TTC28: variants seen among roughly 807,000 people sequenced by gnomAD.
The protein encoded by TTC28 is tetratricopeptide repeat domain 28, also known as tetratricopeptide repeat protein 28.
Under a neutral mutation model 198.0 loss-of-function variants are expected in TTC28, and 61 were observed. The ratio of observed to expected loss-of-function variants is 0.31; its 90% confidence interval spans 0.25 to 0.38. The LOEUF (loss-of-function observed/expected upper bound fraction) is 0.38. Among genes scored for constraint, TTC28 ranks in the 10% least tolerant of loss-of-function variants. The pLI is 1.00. For synonymous variants in TTC28, 1,171 were observed against 1,297.8 expected (o/e 0.90, Z 2.10); for missense variants, 2,678 against 3,164.0 (o/e 0.85, Z 3.69).
intron 5 of TTC28, among the ~76,000 whole-genome samples, chr22:28,180,275 T>C (rs973592025): frequency 2.6e-5 from 4 of 152,232 alleles, no homozygotes; most frequent in African/African-American, 9.6e-5. Flanking sequence ...TCATAAACTT[T>C]GAGTTGCTTA....
At chr22:27,996,394 G>A in intron 16 of TTC28, 135 bp from the exon 17 acceptor site, 10 of 1,331,742 alleles carry the variant, frequency 7.5e-6, no homozygotes, top group Non-Finnish European at 9.0e-6. Context: ...CAGCTCACAG[G>A]CTGGCCTGGG....
At chr22:28,268,114 G>C (rs1931804722) in intron 5 of TTC28, among the ~76,000 whole-genome samples, 1 of 152,130 alleles carries the variant, frequency 6.6e-6, no homozygotes, top group Non-Finnish European at 1.5e-5. Context: ...TTAATGGTCT[G>C]GTCCCTGCAG....
At chr22:28,578,119 T>C (rs1429843239) in intron 2 of TTC28, among the ~76,000 whole-genome samples, 1 of 152,142 alleles carries the variant, frequency 6.6e-6, no homozygotes, top group East Asian at 1.9e-4. Flanking sequence ...TTTTTATTTA[T>C]TGTGATCTAC....
chr22:28,106,301 G>A (rs1266562539), intron 7 of TTC28, among the ~76,000 whole-genome samples: 3 of 152,092 alleles, frequency 2.0e-5, no homozygotes, highest in African/African-American at 7.2e-5. Context: ...GCAGACACAG[G>A]CACCTTCTTG....
intron 5 of TTC28, among the ~76,000 whole-genome samples, chr22:28,276,400 A>C (rs748737781): frequency 6.6e-6 from 1 of 152,176 alleles, no homozygotes; most frequent in South Asian, 2.1e-4. Flanking sequence ...ATAAAATTGT[A>C]TATCAAAGGA....
intron 5 of TTC28, among the ~76,000 whole-genome samples, chr22:28,261,633 A>C (rs932317653): frequency 1.1e-4 from 16 of 152,162 alleles, no homozygotes; most frequent in African/African-American, 3.9e-4. Flanking sequence ...AATTTGAATA[A>C]CCCTCTCTAC....
intron 12 of TTC28, among the ~76,000 whole-genome samples, chr22:28,050,333 A>G (rs991517628): frequency 6.6e-6 from 1 of 152,158 alleles, no homozygotes; most frequent in African/African-American, 2.4e-5. Context: ...TTCCATTAGC[A>G]CAGCCCTCTT....
intron 5 of TTC28, among the ~76,000 whole-genome samples, chr22:28,191,833 T>G (rs1378048917): frequency 6.6e-6 from 1 of 152,198 alleles, no homozygotes; most frequent in Non-Finnish European, 1.5e-5. Context: ...CAAGGAGGCC[T>G]GCCTGCCTCT....
chr22:28,014,622 C>T (rs1938288763), intron 13 of TTC28, among the ~76,000 whole-genome samples: 1 of 152,246 alleles, frequency 6.6e-6, no homozygotes, highest in African/African-American at 2.4e-5. Flanking sequence ...CAACAGCTTA[C>T]ATTTCTATGG....
At chr22:28,020,539 GTGAATCTTCCCTCGCTGCTCA>G (rs1938549393) in intron 13 of TTC28, among the ~76,000 whole-genome samples, 2 of 152,132 alleles carry the variant, frequency 1.3e-5, no homozygotes, top group Non-Finnish European at 2.9e-5. Flanking sequence ...GGCTGGGCTC[GTGAATCTTCCCTCGCTGCTCA>G]TGAATCTTCC....
chr22:28,669,958 C>A (rs1240904959), intron 1 of TTC28, among the ~76,000 whole-genome samples: 1 of 151,916 alleles, frequency 6.6e-6, no homozygotes, highest in Non-Finnish European at 1.5e-5. Context: ...TTTTTATACA[C>A]ACAGTATATA....
chr22:28,421,764 G>A (rs549606580), intron 2 of TTC28, among the ~76,000 whole-genome samples: 3 of 151,710 alleles, frequency 2.0e-5, no homozygotes, highest in South Asian at 4.2e-4. Context: ...TGGCTAACAC[G>A]GTGAAACTAA....
intron 6 of TTC28, among the ~76,000 whole-genome samples, chr22:28,127,169 C>T (rs1236738854): frequency 6.6e-6 from 1 of 152,168 alleles, no homozygotes; most frequent in African/African-American, 2.4e-5. Flanking sequence ...TCAGGCCCTA[C>T]TAAAAATATC....
At chr22:28,111,428 G>A (rs1221488573) in intron 6 of TTC28, among the ~76,000 whole-genome samples, 4 of 152,070 alleles carry the variant, frequency 2.6e-5, no homozygotes, top group Non-Finnish European at 4.4e-5. Context: ...TGACAGAAAC[G>A]TTTCAGTTCT....
intron 5 of TTC28, among the ~76,000 whole-genome samples, chr22:28,206,929 A>G (rs1180942155): frequency 6.6e-6 from 1 of 152,138 alleles, no homozygotes; most frequent in Non-Finnish European, 1.5e-5. Context: ...GGGTGGGGGT[A>G]GGAGGTGGCA....
At chr22:28,674,445 T>C (rs1325533838) in intron 1 of TTC28, among the ~76,000 whole-genome samples, 3 of 152,138 alleles carry the variant, frequency 2.0e-5, no homozygotes, top group Non-Finnish European at 2.9e-5. Context: ...AATATATACC[T>C]ACATCCTCTT....
chr22:28,104,982 G>A (rs1013538688), intron 8 of TTC28, among the ~76,000 whole-genome samples: 1 of 152,132 alleles, frequency 6.6e-6, no homozygotes, highest in African/African-American at 2.4e-5. Flanking sequence ...AGCAAGGAGG[G>A]TATCAGCTCC....
At chr22:28,445,752 T>G (rs2047692019) in intron 2 of TTC28, among the ~76,000 whole-genome samples, 1 of 152,096 alleles carries the variant, frequency 6.6e-6, no homozygotes, top group Non-Finnish European at 1.5e-5. Flanking sequence ...AAAGGCTGTC[T>G]CTCACAATCT....
intron 21 of TTC28, among the ~76,000 whole-genome samples, chr22:27,988,831 C>A (rs1455966624): frequency 6.6e-6 from 1 of 152,180 alleles, no homozygotes; most frequent in Non-Finnish European, 1.5e-5. Flanking sequence ...GTGGGCCTGT[C>A]CTGGCCCTGC....
Sources: gnomAD v4.1 joint callset for allele counts (sites outside exome capture counted in the v4.1 genomes callset) on GRCh38, gnomAD v4.1.1 for gene constraint, MANE v1.5 for transcripts, NCBI Gene and HGNC (gene_info 2026-07-23, HGNC 2026-07-21) for gene names.